The following B3GALNT2 variants were observed in gnomAD, a reference collection of about 807,000 sequenced individuals.
The protein encoded by B3GALNT2 is UDP-GalNAc:beta-1,3-N-acetylgalactosaminyltransferase 2.
B3GALNT2 carries 53 observed loss-of-function variants against 61.1 expected under a neutral mutation model. The ratio of observed to expected loss-of-function variants is 0.87; its 90% CI spans 0.70 to 1.09. B3GALNT2 has a LOEUF of 1.09. Ranked by LOEUF, B3GALNT2 falls within the 50% of genes least tolerant of loss-of-function variation. The probability of loss-of-function intolerance (pLI) is 0.00; values close to 1 mark genes in which losing one functional copy is unlikely to be tolerated. For synonymous variants in B3GALNT2, 223 were observed against 237.4 expected (o/e 0.94, Z 0.56); for missense variants, 544 against 623.0 (o/e 0.87, Z 1.35).
At chr1:235,484,285 GAA>G in intron 4 of B3GALNT2, 35 bp downstream of exon 4, 1 of 1,531,154 alleles carries the variant, frequency 6.5e-7, no homozygotes, top group South Asian at 1.3e-5. Context: ...TTTTGAAAAA[GAA>G]AAAAGAGAAA....
At chr1:235,477,636 C>A (rs1295495724) in intron 5 of B3GALNT2, among the ~76,000 whole-genome samples, 1 of 152,024 alleles carries the variant, frequency 6.6e-6, no homozygotes, top group East Asian at 1.9e-4. Flanking sequence ...GGGGTGGTGT[C>A]CTGTGGCTGC....
chr1:235,474,983 ATATATTT>A (rs1258169256), intron 5 of B3GALNT2, among the ~76,000 whole-genome samples: 102 of 38,798 alleles, frequency 2.6e-3, no homozygotes, highest in African/African-American at 9.8e-3. Context: ...ATATATATAT[ATATATTT>A]TTTTTTTTTT....
At chr1:235,445,601 A>G (rs562167863), downstream of B3GALNT2, among the ~76,000 whole-genome samples, 42 of 152,326 alleles carry the variant, frequency 2.8e-4, no homozygotes, top group Non-Finnish European at 5.1e-4. Context: ...GAGCCACTGC[A>G]ATCTGGCCTG....
downstream of B3GALNT2, among the ~76,000 whole-genome samples, chr1:235,445,876 C>G (rs1253095330): frequency 6.6e-6 from 1 of 152,180 alleles, no homozygotes; most frequent in African/African-American, 2.4e-5. Context: ...GGTGAATAAG[C>G]TCTGGTGGAA....
At chr1:235,488,692 C>CAAAAAAAAAAAAAAAA (rs11436508) in intron 3 of B3GALNT2, among the ~76,000 whole-genome samples, 1 of 37,970 alleles carries the variant, frequency 2.6e-5, no homozygotes. Flanking sequence ...ACTCCATCTC[C>CAAAAAAAAAAAAAAAA]AAAAAAAAAA....
At chr1:235,503,869 C>A (rs1212981952) in intron 1 of B3GALNT2, among the ~76,000 whole-genome samples, 1 of 152,154 alleles carries the variant, frequency 6.6e-6, no homozygotes, top group East Asian at 1.9e-4. Context: ...GGCCTGGGGA[C>A]AGGCGAAGGA....
chr1:235,494,511 C>A (rs1685221031), intron 2 of B3GALNT2, among the ~76,000 whole-genome samples, 170 bp downstream of exon 2: 1 of 151,494 alleles, frequency 6.6e-6, no homozygotes, highest in African/African-American at 2.4e-5. Context: ...GGCTAGAATG[C>A]AGTGGTGCAA....
chr1:235,491,631 T>A (rs1381395157), intron 2 of B3GALNT2, among the ~76,000 whole-genome samples: 1 of 152,156 alleles, frequency 6.6e-6, no homozygotes, highest in Non-Finnish European at 1.5e-5. Context: ...GCAATCTTCC[T>A]AGCCTCCTCC....
intron 5 of B3GALNT2, among the ~76,000 whole-genome samples, chr1:235,478,118 A>T (rs983378820): frequency 6.6e-6 from 1 of 152,052 alleles, no homozygotes; most frequent in Non-Finnish European, 1.5e-5. Context: ...GCAGTGTTGC[A>T]ATCTTGGCTC....
rs190578538 is a variant in B3GALNT2, at chr1:235,467,383, C to T, written c.763-1669G>A. Reference sequence around the variant, plus strand: ...AATAAAATAAAATAAAATAAAAGTTCGTAGCCAAATGTGAAAATTACTAAA... The same window carrying T: ...AATAAAATAAAATAAAATAAAAGTTTGTAGCCAAATGTGAAAATTACTAAA... On this transcript the variant is annotated intron_variant, in intron 6 of 11. Coordinates refer to ENST00000366600, the MANE Select transcript of B3GALNT2 (RefSeq NM_152490.5). Among the ~76,000 whole-genome samples, 543 of 151,536 alleles carry T rather than the reference C, an allele frequency of 3.6e-3. 3 individuals carry two copies. The highest frequency in any genetic ancestry group is 0.013 in the African/African-American group (520 of 41,372).
intron 7 of B3GALNT2, among the ~76,000 whole-genome samples, chr1:235,461,400 C>T (rs1284437361): frequency 1.3e-5 from 2 of 152,018 alleles, no homozygotes; most frequent in South Asian, 2.1e-4. Flanking sequence ...TTTCCTTCTG[C>T]ACCTGCTCCC....
At chr1:235,503,706 T>A (rs1685689289) in intron 1 of B3GALNT2, among the ~76,000 whole-genome samples, 1 of 152,010 alleles carries the variant, frequency 6.6e-6, no homozygotes, top group Admixed American at 6.6e-5. Context: ...TCCACGGCAC[T>A]AAAACCCCAG....
intron 1 of B3GALNT2, among the ~76,000 whole-genome samples, chr1:235,498,876 G>T (rs980269900): frequency 9.5e-6 from 1 of 105,556 alleles, no homozygotes; most frequent in Admixed American, 1.2e-4. Flanking sequence ...AAAAAAAAAA[G>T]GCTACTCTTT....
intron 7 of B3GALNT2, among the ~76,000 whole-genome samples, chr1:235,461,693 T>C (rs1254918289): frequency 2.0e-5 from 3 of 151,860 alleles, no homozygotes; most frequent in Non-Finnish European, 4.4e-5. Context: ...ATTTTTGTAT[T>C]TTTAGTATAG....
chr1:235,480,196 A>G, intron 4 of B3GALNT2, 47 bp from the exon 5 acceptor site: 1 of 1,605,094 alleles, frequency 6.2e-7, no homozygotes, highest in South Asian at 1.1e-5. Flanking sequence ...CATGTTATAC[A>G]TTGCATATGC....
intron 11 of B3GALNT2, chr1:235,451,765 C>A (rs1486134077): frequency 6.6e-6 from 1 of 152,212 alleles, no homozygotes; most frequent in Non-Finnish European, 1.5e-5. Context: ...CTGTCCCCTG[C>A]ACCTTCGATG....
In B3GALNT2 at chr1:235,447,580, C is replaced by T. The variant is rs1304288056; in HGVS notation, c.*2626G>A. ...GACCTTGTAGATCATTTAGTTGGCA[C>T]CCTAATTTTACAGAGGGGGAACTAA... is the stretch of plus-strand genomic sequence containing the variant. On this transcript the variant is annotated 3_prime_UTR_variant, in exon 12 of 12. Coordinates refer to ENST00000366600, the MANE Select transcript of B3GALNT2 (RefSeq NM_152490.5). Among the ~76,000 whole-genome samples, 1 of 151,992 alleles carries T rather than the reference C, an allele frequency of 6.6e-6. No individual in the cohort carries two copies. The highest frequency in any genetic ancestry group is 1.5e-5 in the Non-Finnish European group (1 of 68,008).
chr1:235,471,854 G>C (rs912122103), intron 5 of B3GALNT2, among the ~76,000 whole-genome samples: 1 of 152,138 alleles, frequency 6.6e-6, no homozygotes, highest in Non-Finnish European at 1.5e-5. Context: ...GTAGAGACAG[G>C]GTTTCGCCAT....
chr1:235,496,233 C>T lies in B3GALNT2; in HGVS notation c.113-1405G>A, dbSNP rs564626955. ...GGCTGAGGCAGGAGAATCTCTTGAACCCGGGAGGTGGAGGTTGGGGTGAGC... is the reference window on the plus strand; with the variant it reads ...GGCTGAGGCAGGAGAATCTCTTGAATCCGGGAGGTGGAGGTTGGGGTGAGC... On this transcript the variant is annotated intron_variant, in intron 1 of 11. Coordinates refer to ENST00000366600, the MANE Select transcript of B3GALNT2 (RefSeq NM_152490.5). 1.6e-3 allele frequency: 410 copies of T among 252,098 alleles called. No homozygotes were observed. Among genetic ancestry groups the T allele is most frequent in the Non-Finnish European group, 2.3e-3 (297 of 130,010 alleles). 15.6% of individuals were successfully genotyped at this position (252,098 alleles called of 1,614,324 possible).
Sources: allele counts gnomAD v4.1 joint callset (sites outside exome capture counted in the v4.1 genomes callset), GRCh38; gene constraint gnomAD v4.1.1; transcripts MANE v1.5; gene names NCBI Gene and HGNC (gene_info 2026-07-23, HGNC 2026-07-21).